CDH18: variants seen among roughly 807,000 people sequenced by gnomAD.
The protein encoded by CDH18 is cadherin 18.
CDH18 carries 31 observed loss-of-function variants against 67.9 expected under a neutral mutation model. That is an observed-to-expected ratio of 0.46 (90% CI 0.34 to 0.62). The LOEUF is 0.62. Among genes scored for constraint, CDH18 ranks in the 20% least tolerant of loss-of-function variants. CDH18 has a pLI of 0.01. For missense variants in CDH18, 890 were observed against 975.5 expected (o/e 0.91, Z 1.17); for synonymous variants, 362 against 347.2 (o/e 1.04, Z -0.48).
At chr5:20,288,441 TAC>T (rs1746850743) in intron 1 of CDH18, among the ~76,000 whole-genome samples, 1 of 121,428 alleles carries the variant, frequency 8.2e-6, no homozygotes, top group Non-Finnish European at 1.7e-5. Context: ...CTTCAAAAAA[TAC>T]GATATATATA....
At chr5:19,857,225 G>C (rs1268357326) in intron 2 of CDH18, among the ~76,000 whole-genome samples, 1 of 149,104 alleles carries the variant, frequency 6.7e-6, no homozygotes, top group Non-Finnish European at 1.5e-5. Flanking sequence ...CAGAGACCCT[G>C]TCTCTAAAAT....
chr5:20,264,556 C>T (rs1437426839), intron 1 of CDH18, among the ~76,000 whole-genome samples: 5 of 151,858 alleles, frequency 3.3e-5, no homozygotes, highest in African/African-American at 9.7e-5. Flanking sequence ...CAGAAGATCA[C>T]GTAAAATGCA....
chr5:20,010,258 T>C (rs1179547149), intron 2 of CDH18, among the ~76,000 whole-genome samples: 1 of 152,016 alleles, frequency 6.6e-6, no homozygotes, highest in East Asian at 1.9e-4. Context: ...TTTTAATTTT[T>C]TTGAGACAGA....
intron 1 of CDH18, among the ~76,000 whole-genome samples, chr5:20,344,183 AG>A (rs1740512015): frequency 6.6e-6 from 1 of 152,108 alleles, no homozygotes; most frequent in South Asian, 2.1e-4. Context: ...CCTTTCACCT[AG>A]AAAAGAATAA....
At chr5:20,396,021 T>C (rs1205628835) in intron 1 of CDH18, among the ~76,000 whole-genome samples, 5 of 152,194 alleles carry the variant, frequency 3.3e-5, no homozygotes, top group African/African-American at 1.2e-4. Flanking sequence ...TACTTCTTGA[T>C]AAATAGTTAC....
At chr5:20,172,226 ATATATATATATATG>A (rs1736861497) in intron 2 of CDH18, among the ~76,000 whole-genome samples, 2 of 105,834 alleles carry the variant, frequency 1.9e-5, no homozygotes, top group Non-Finnish European at 3.6e-5. Context: ...ATATATATGT[ATATATATATATATG>A]TATATATATA....
At position 19,777,638 on chromosome 5, in the gene CDH18, C is replaced by T. The variant is rs980914859; in HGVS notation, c.229-30402G>A. ...CAAACTAGCCTTGAGATGAAAGTTCCGTTCATCCTTGATCAAAGAAGAAGT... is the reference window on the plus strand; with the variant it reads ...CAAACTAGCCTTGAGATGAAAGTTCTGTTCATCCTTGATCAAAGAAGAAGT... On this transcript the variant is annotated intron_variant, in intron 3 of 12. Coordinates refer to ENST00000382275, the MANE Select transcript of CDH18 (RefSeq NM_004934.5). Among the ~76,000 whole-genome samples, 55 of 152,206 alleles carry T rather than the reference C, an allele frequency of 3.6e-4. 1 individual carries two copies. Among genetic ancestry groups the T allele is most frequent in the South Asian group, 2.1e-4 (1 of 4,824 alleles).
chr5:20,144,154 A>C (rs928969434), intron 2 of CDH18, among the ~76,000 whole-genome samples: 3 of 152,132 alleles, frequency 2.0e-5, no homozygotes, highest in African/African-American at 7.2e-5. Flanking sequence ...ATAGATCCAC[A>C]GAGCAGGGCC....
At position 20,505,908 on chromosome 5, in the gene CDH18, C is replaced by T. The variant is rs1025550327; in HGVS notation, c.-580+69554G>A. Among the ~76,000 whole-genome samples, 6 of 152,314 alleles carry T rather than the reference C, an allele frequency of 3.9e-5. 1 individual carries two copies. In the South Asian group the frequency reaches 1.2e-3, roughly 32 times the overall value. On this transcript the variant is annotated intron_variant, in intron 1 of 14. Transcript: ENST00000507958. The stretch of plus-strand genomic sequence containing the variant: ...CCCCCACGAGAAAGACTCCACCACT[C>T]CATGTGGCCCATCAGTTAGGACACC...
chr5:19,659,293 G>A (rs1756843351), intron 5 of CDH18, among the ~76,000 whole-genome samples: 2 of 152,002 alleles, frequency 1.3e-5, no homozygotes, highest in African/African-American at 2.4e-5. Flanking sequence ...GTTAAATTAC[G>A]TTCAATTAAA....
intron 1 of CDH18, among the ~76,000 whole-genome samples, chr5:20,390,503 G>C (rs1744750127): frequency 6.6e-6 from 1 of 152,162 alleles, no homozygotes; most frequent in Non-Finnish European, 1.5e-5. Flanking sequence ...TGCTGGAGAG[G>C]ATGTGGAGAA....
intron 1 of CDH18, among the ~76,000 whole-genome samples, chr5:20,432,917 C>A (rs10061440): frequency 0.63 from 92,649 of 147,850 alleles, 31,043 homozygotes; most frequent in Non-Finnish European, 0.76. Context: ...TATTTTAGGC[C>A]TCTTATAGAT....
Position 19,559,836 on chromosome 5 carries a change from C to A in CDH18, c.1253+11743G>T, listed in dbSNP as rs187273421. 1.3e-3 allele frequency among the ~76,000 whole-genome samples: 197 copies of A among 148,546 alleles called. 1 individual carries two copies. The highest frequency in any genetic ancestry group is 4.6e-3 in the African/African-American group (185 of 39,908). On this transcript the variant is annotated intron_variant, in intron 8 of 12. Transcript: ENST00000382275. ...TTTCAGGATACAAAAATAATGTGCACAAATCAGTAGCTCTGCTATACACTA... is the reference window on the plus strand; with the variant it reads ...TTTCAGGATACAAAAATAATGTGCAAAAATCAGTAGCTCTGCTATACACTA...
At chr5:19,563,923 G>T (rs1250344590) in intron 8 of CDH18, among the ~76,000 whole-genome samples, 1 of 152,174 alleles carries the variant, frequency 6.6e-6, no homozygotes, top group Non-Finnish European at 1.5e-5. Flanking sequence ...TGGGGAGGGA[G>T]AACACAATGA....
At chr5:19,966,237 ATTAT>A (rs1797428166) in intron 2 of CDH18, among the ~76,000 whole-genome samples, 1 of 152,196 alleles carries the variant, frequency 6.6e-6, no homozygotes, top group African/African-American at 2.4e-5. Flanking sequence ...TTGTGTTCAG[ATTAT>A]TTAATTCAAT....
At chr5:19,534,333 T>C (rs1408371744) in intron 9 of CDH18, among the ~76,000 whole-genome samples, 1 of 152,156 alleles carries the variant, frequency 6.6e-6, no homozygotes, top group East Asian at 1.9e-4. Context: ...TTTTAATGGC[T>C]ATGTAAAATG....
chr5:20,275,566 T>G (rs905191177), intron 1 of CDH18, among the ~76,000 whole-genome samples: 1 of 152,174 alleles, frequency 6.6e-6, no homozygotes, highest in Non-Finnish European at 1.5e-5. Flanking sequence ...TTATGGCATT[T>G]TCCATGAATA....
chr5:20,435,500 T>C (rs898669824), intron 1 of CDH18, among the ~76,000 whole-genome samples: 3 of 152,028 alleles, frequency 2.0e-5, no homozygotes, highest in African/African-American at 7.2e-5. Flanking sequence ...GTTCCCTGTG[T>C]GAAATAGAAA....
intron 1 of CDH18, among the ~76,000 whole-genome samples, chr5:20,417,697 A>G (rs1194345462): frequency 6.6e-6 from 1 of 152,124 alleles, no homozygotes; most frequent in African/African-American, 2.4e-5. Context: ...TGCTTCCTTT[A>G]CTCTTCCAAA....
Sources: allele counts gnomAD v4.1 joint callset (sites outside exome capture counted in the v4.1 genomes callset), GRCh38; gene constraint gnomAD v4.1.1; transcripts MANE v1.5; gene names NCBI Gene and HGNC (gene_info 2026-07-23, HGNC 2026-07-21).